The following MARCHF8 variants were observed in gnomAD, a reference collection of about 807,000 sequenced individuals.
MARCHF8 encodes the protein E3 ubiquitin-protein ligase MARCHF8.
In MARCHF8, 40 loss-of-function variants were observed where a neutral mutation model predicts 51.6. The observed-to-expected ratio is 0.77, with a 90% confidence interval of 0.60 to 1.01. The LOEUF is 1.01. Ranked by LOEUF, MARCHF8 falls within the 50% of genes least tolerant of loss-of-function variation. MARCHF8 has a pLI of 0.00. For synonymous variants in MARCHF8, 263 were observed against 280.3 expected (o/e 0.94, Z 0.62); for missense variants, 685 against 708.6 (o/e 0.97, Z 0.38).
intron 1 of MARCHF8, among the ~76,000 whole-genome samples, chr10:45,549,095 T>A (rs186749944): frequency 2.0e-5 from 3 of 152,022 alleles, no homozygotes; most frequent in Admixed American, 6.5e-5. Context: ...CTGATCCCTA[T>A]AGATAACGAA....
Position 45,463,784 on chromosome 10 carries a change from A to G in MARCHF8, c.455T>C (p.Leu152Pro). Residue 152 changes from leucine (L) to proline (P), a missense_variant, in exon 5 of 8, where the codon CTA (leucine) becomes CCA (proline). By Grantham distance (98) the Leu-to-Pro change is moderately conservative. Transcript: ENST00000453424. ...ATCATTGAGGGACCTTGAGAACTTT[A>G]GTGTTCTTCTGGCTTTGGTATTCTT... ...PAKNTKARRTLKFSRSLNDVG... is the reference protein window; with the variant it reads ...PAKNTKARRTPKFSRSLNDVG... The G allele has an allele frequency of 6.4e-7, 1 of 1,550,874 alleles. No homozygotes were observed. The highest frequency in any genetic ancestry group is 8.7e-7 in the Non-Finnish European group (1 of 1,147,124).
intron 1 of MARCHF8, among the ~76,000 whole-genome samples, chr10:45,561,565 C>T (rs889438366): frequency 6.6e-6 from 1 of 151,490 alleles, no homozygotes; most frequent in Non-Finnish European, 1.5e-5. Flanking sequence ...TGAGCCACCA[C>T]GCCCAGCCGA....
Position 45,463,703 on chromosome 10 carries a change from C to T in MARCHF8, c.536G>A (p.Cys179Tyr). ...AGGGAGTATTAATTTCCCTTCAGAA[C>T]AAGTTCTTTCCACATAGGCAAAACT... ...SESFAYVERT[C>Y]SEGKLILPQD... The change falls in exon 5 of 8, where the codon TGT becomes TAT. Residue 179 changes from cysteine to tyrosine, a missense_variant. Transcript: ENST00000453424. The T allele has an allele frequency of 6.4e-7, 1 of 1,551,036 alleles. No individual in the cohort carries two copies. The highest frequency in any genetic ancestry group is 8.7e-7 in the Non-Finnish European group (1 of 1,147,082).
upstream of MARCHF8, among the ~76,000 whole-genome samples, chr10:45,535,714 C>T (rs2043962397): frequency 6.6e-6 from 1 of 152,206 alleles, no homozygotes; most frequent in Admixed American, 6.5e-5. Flanking sequence ...TCATATATTA[C>T]ATTATTTTCT....
rs1589070059 is a variant in MARCHF8 at position 45,461,521 on chromosome 10, G to C, written c.1089-110C>G. The C allele has an allele frequency of 1.2e-5, 11 of 892,246 alleles. No homozygotes were observed. The East Asian group carries it at 3.5e-4, about 28-fold the overall frequency. 55.3% of individuals were successfully genotyped at this position (892,246 alleles called of 1,614,324 possible). ...AGGAAACTCAGAAACGAACATTACA[G>C]AAGTGACTATGGGCACAAAAACATA... On this transcript the variant is annotated intron_variant, in intron 5 of 7. Transcript: ENST00000453424.
At chr10:45,465,013 T>C (rs1842923860) in intron 3 of MARCHF8, among the ~76,000 whole-genome samples, 1 of 152,084 alleles carries the variant, frequency 6.6e-6, no homozygotes, top group Admixed American at 6.5e-5. Flanking sequence ...GGTCATGGGA[T>C]AGAACAGAGT....
chr10:45,516,660 A>G (rs2043623760), intron 2 of MARCHF8, among the ~76,000 whole-genome samples: 1 of 152,158 alleles, frequency 6.6e-6, no homozygotes, highest in South Asian at 2.1e-4. Context: ...GCTACTTAGG[A>G]AGTTGATGCA....
At chr10:45,480,209 C>G (rs1376037903) in intron 3 of MARCHF8, among the ~76,000 whole-genome samples, 1 of 152,132 alleles carries the variant, frequency 6.6e-6, no homozygotes, top group African/African-American at 2.4e-5. Context: ...CAGGAAGTGA[C>G]TTGGATGCTG....
intron 3 of MARCHF8, among the ~76,000 whole-genome samples, chr10:45,468,941 T>C (rs181203915): frequency 7.2e-5 from 11 of 152,192 alleles, no homozygotes; most frequent in Admixed American, 7.2e-4. Context: ...AAGGCACATA[T>C]ACTTTGTCTC....
chr10:45,584,631 C>G (rs138921110), intron 1 of MARCHF8, among the ~76,000 whole-genome samples: 218 of 152,190 alleles, frequency 1.4e-3, no homozygotes, highest in African/African-American at 4.8e-3. Context: ...ATTCCTGCCC[C>G]TGGTTATTCA....
At chr10:45,478,306 G>A (rs1444424570) in intron 3 of MARCHF8, among the ~76,000 whole-genome samples, 1 of 152,148 alleles carries the variant, frequency 6.6e-6, no homozygotes, top group African/African-American at 2.4e-5. Flanking sequence ...ACTGGGTGAA[G>A]GAAGAAATTA....
chr10:45,507,159 T>G (rs927540829), intron 2 of MARCHF8, among the ~76,000 whole-genome samples: 4 of 152,194 alleles, frequency 2.6e-5, no homozygotes, highest in African/African-American at 9.6e-5. Context: ...ATCAATAACA[T>G]GTGAATGAGA....
chr10:45,469,864 C>CAAA lies in MARCHF8; in HGVS notation c.154-5540_154-5538dup, dbSNP rs55832920. Among the ~76,000 whole-genome samples, 54 of 57,036 alleles carry CAAA rather than the reference C, an allele frequency of 9.5e-4. 8 individuals are homozygous for CAAA. Among genetic ancestry groups the CAAA allele is most frequent in the East Asian group, 4.1e-3 (6 of 1,448 alleles). The allele number at this position is 57,036 out of a possible 152,430, so 37.4% of individuals were successfully genotyped here. ...TGGGCGACAGAGTGAGACTCCGTCT[C>CAAA]AAAAAAAAAAAAAAAAAAAAAAAAA... On this transcript the variant is annotated intron_variant, in intron 3 of 7. Transcript: ENST00000453424.
intron 1 of MARCHF8, among the ~76,000 whole-genome samples, chr10:45,564,182 A>C (rs1202652244): frequency 6.6e-6 from 1 of 152,244 alleles, no homozygotes; most frequent in Non-Finnish European, 1.5e-5. Flanking sequence ...AGGCTGAGGC[A>C]GGAGAATCGC....
chr10:45,463,948 A>C lies in MARCHF8; in HGVS notation c.291T>G (p.Ser97=). ...SECCHHSSVQ[S]AVVSKAPHCQ... ...AGTGAGGAGCTTTCGAGACAACAGC[A>C]GACTGCACGGAACTGTGGTGACAAC... is the stretch of plus-strand genomic sequence containing the variant. The change falls in exon 5 of 8, where the codon TCT becomes TCG. Residue 97 remains serine, a synonymous_variant. Transcript: ENST00000453424. 6 of 1,536,216 alleles carry C rather than the reference A, an allele frequency of 3.9e-6. No homozygotes were observed. Among genetic ancestry groups the C allele is most frequent in the Non-Finnish European group, 5.2e-6 (6 of 1,146,930 alleles).
At chr10:45,507,349 T>C (rs980441572) in intron 2 of MARCHF8, among the ~76,000 whole-genome samples, 2 of 152,186 alleles carry the variant, frequency 1.3e-5, no homozygotes, top group African/African-American at 4.8e-5. Flanking sequence ...TGAGGCTGGG[T>C]AATTTATAAA....
intron 2 of MARCHF8, among the ~76,000 whole-genome samples, chr10:45,515,360 A>G (rs1260894735): frequency 6.6e-6 from 1 of 152,118 alleles, no homozygotes; most frequent in African/African-American, 2.4e-5. Flanking sequence ...CTCACTGTAA[A>G]CATCTCAAGC....
At chr10:45,509,664 C>T (rs1266586837) in intron 2 of MARCHF8, among the ~76,000 whole-genome samples, 2 of 152,188 alleles carry the variant, frequency 1.3e-5, no homozygotes, top group Non-Finnish European at 2.9e-5. Flanking sequence ...ACAGAGTCAT[C>T]CTTACAAAGC....
chr10:45,498,990 C>T (rs1297983284), intron 2 of MARCHF8, among the ~76,000 whole-genome samples: 1 of 152,168 alleles, frequency 6.6e-6, no homozygotes, highest in Admixed American at 6.5e-5. Flanking sequence ...CTGGGTCATA[C>T]AGTAATAATT....
Sources: allele counts gnomAD v4.1 joint callset (sites outside exome capture counted in the v4.1 genomes callset), GRCh38; gene constraint gnomAD v4.1.1; transcripts MANE v1.5; gene names NCBI Gene and HGNC (gene_info 2026-07-23, HGNC 2026-07-21).